NKAIN2: variants seen among roughly 807,000 people sequenced by gnomAD.
The protein encoded by NKAIN2 is sodium/potassium transporting ATPase interacting 2, also known as sodium/potassium-transporting ATPase subunit beta-1-interacting protein 2.
Under a neutral mutation model 32.6 loss-of-function variants are expected in NKAIN2, and 14 were observed. The ratio of observed to expected loss-of-function variants is 0.43; its 90% CI spans 0.28 to 0.67. The LOEUF is 0.67. Ranked by LOEUF, NKAIN2 falls within the 30% of genes least tolerant of loss-of-function variation. The pLI is 0.17. For missense variants in NKAIN2, 198 were observed against 258.3 expected, an observed-to-expected ratio of 0.77 and a Z score of 1.60; for synonymous variants, 80 against 87.2, an observed-to-expected ratio of 0.92 and a Z score of 0.46.
intron 3 of NKAIN2, among the ~76,000 whole-genome samples, chr6:124,415,687 C>G (rs1048645966): frequency 6.6e-6 from 1 of 152,070 alleles, no homozygotes; most frequent in African/African-American, 2.4e-5. Flanking sequence ...CAGCCTTCAT[C>G]CTGAAGCTAC....
At chr6:124,259,422 C>T (rs1794115067) in intron 1 of NKAIN2, among the ~76,000 whole-genome samples, 1 of 151,954 alleles carries the variant, frequency 6.6e-6, no homozygotes, top group South Asian at 2.1e-4. Flanking sequence ...GGAAAGAACC[C>T]AAATTAGGCA....
intron 3 of NKAIN2, among the ~76,000 whole-genome samples, chr6:124,412,692 C>G (rs937279731): frequency 6.6e-6 from 1 of 152,200 alleles, no homozygotes; most frequent in Admixed American, 6.5e-5. Flanking sequence ...CCACTACTCT[C>G]TTCAAAGCTG....
At chr6:124,602,739 T>C (rs1313682317) in intron 3 of NKAIN2, among the ~76,000 whole-genome samples, 2 of 152,000 alleles carry the variant, frequency 1.3e-5, no homozygotes, top group African/African-American at 4.8e-5. Context: ...TTCTAATGTA[T>C]GCATTTGAGG....
intron 1 of NKAIN2, among the ~76,000 whole-genome samples, chr6:124,192,940 G>A (rs1465266989): frequency 1.3e-5 from 2 of 151,774 alleles, no homozygotes; most frequent in South Asian, 2.1e-4. Flanking sequence ...TAGTAGAGAC[G>A]GGGTTTCACC....
At chr6:124,463,153 AGT>A (rs1347842317) in intron 3 of NKAIN2, among the ~76,000 whole-genome samples, 1 of 151,854 alleles carries the variant, frequency 6.6e-6, no homozygotes. Flanking sequence ...TAAAAAACTA[AGT>A]GTGTGTGTGT....
At chr6:124,789,764 T>C (rs1779661390) in intron 4 of NKAIN2, among the ~76,000 whole-genome samples, 1 of 152,076 alleles carries the variant, frequency 6.6e-6, no homozygotes, top group Non-Finnish European at 1.5e-5. Flanking sequence ...TATAAAGAAG[T>C]GGTTCTTACT....
At chr6:124,569,591 G>A (rs1490311335) in intron 3 of NKAIN2, among the ~76,000 whole-genome samples, 1 of 152,106 alleles carries the variant, frequency 6.6e-6, no homozygotes, top group East Asian at 1.9e-4. Flanking sequence ...GATCTGATGG[G>A]TTTATCAGAG....
chr6:124,473,259 G>A (rs1342050382), intron 3 of NKAIN2, among the ~76,000 whole-genome samples: 2 of 152,110 alleles, frequency 1.3e-5, no homozygotes, highest in East Asian at 3.9e-4. Flanking sequence ...GTAAGTCTAG[G>A]GCTTCATTAT....
At chr6:124,245,481 A>G (rs1582917035) in intron 1 of NKAIN2, among the ~76,000 whole-genome samples, 1 of 152,272 alleles carries the variant, frequency 6.6e-6, no homozygotes, top group Middle Eastern at 3.4e-3. Flanking sequence ...TTTAGCTACT[A>G]CAGGTTACTA....
chr6:124,265,462 A>T (rs1794452171), intron 1 of NKAIN2, among the ~76,000 whole-genome samples: 1 of 152,224 alleles, frequency 6.6e-6, no homozygotes, highest in African/African-American at 2.4e-5. Flanking sequence ...ACCAATTTTA[A>T]AGTAAATACA....
At chr6:124,049,389 A>G (rs1782295336) in intron 1 of NKAIN2, among the ~76,000 whole-genome samples, 1 of 152,008 alleles carries the variant, frequency 6.6e-6, no homozygotes, top group African/African-American at 2.4e-5. Flanking sequence ...CTGCCTGTGT[A>G]TATCATCCAG....
intron 4 of NKAIN2, among the ~76,000 whole-genome samples, chr6:124,702,280 C>T (rs1017473799): frequency 6.6e-6 from 1 of 151,898 alleles, no homozygotes; most frequent in Non-Finnish European, 1.5e-5. Context: ...AAAATGCCAA[C>T]CTTATAAATC....
chr6:124,737,685 T>C (rs1005110932), intron 4 of NKAIN2, among the ~76,000 whole-genome samples: 1 of 151,854 alleles, frequency 6.6e-6, no homozygotes, highest in African/African-American at 2.4e-5. Flanking sequence ...CGTGGGAAAG[T>C]TTGGAACTTC....
chr6:124,023,042 ATATGTATG>A (rs535131771), intron 1 of NKAIN2, among the ~76,000 whole-genome samples: 3 of 151,330 alleles, frequency 2.0e-5, no homozygotes, highest in East Asian at 3.9e-4. Context: ...TTATATATAT[ATATGTATG>A]TATGTATGTA....
chr6:124,164,847 C>G (rs1788455313), intron 1 of NKAIN2, among the ~76,000 whole-genome samples: 1 of 151,944 alleles, frequency 6.6e-6, no homozygotes, highest in South Asian at 2.1e-4. Flanking sequence ...TTTAAAGTAA[C>G]AATGTGCATC....
intron 1 of NKAIN2, among the ~76,000 whole-genome samples, chr6:123,881,408 T>G (rs1290265389): frequency 6.6e-6 from 1 of 152,138 alleles, no homozygotes; most frequent in Non-Finnish European, 1.5e-5. Flanking sequence ...TCCAACTGAA[T>G]GAGAATCCAA....
intron 1 of NKAIN2, among the ~76,000 whole-genome samples, chr6:123,867,103 A>G (rs566351441): frequency 6.6e-6 from 1 of 152,254 alleles, no homozygotes; most frequent in East Asian, 1.9e-4. Flanking sequence ...TATTCTTTCT[A>G]ACCATCCGTA....
chr6:124,567,109 G>A (rs140516333), intron 3 of NKAIN2, among the ~76,000 whole-genome samples: 16 of 152,062 alleles, frequency 1.1e-4, no homozygotes, highest in African/African-American at 3.4e-4. Context: ...CATTCATATC[G>A]CAAAAACTCT....
chr6:124,285,733 C>A (rs1582990246), intron 2 of NKAIN2, among the ~76,000 whole-genome samples: 1 of 152,138 alleles, frequency 6.6e-6, no homozygotes, highest in African/African-American at 2.4e-5. Context: ...AGCCAAAAAT[C>A]TGCTTATAAC....
Sources: gnomAD v4.1 joint callset for allele counts (sites outside exome capture counted in the v4.1 genomes callset) on GRCh38, gnomAD v4.1.1 for gene constraint, MANE v1.5 for transcripts, NCBI Gene and HGNC (gene_info 2026-07-23, HGNC 2026-07-21) for gene names.